The following FBLN2 variants were observed in gnomAD, a reference collection of about 807,000 sequenced individuals.
FBLN2 encodes the protein fibulin-2.
Under a neutral mutation model 123.7 loss-of-function variants are expected in FBLN2, and 81 were observed. The observed-to-expected ratio is 0.65, with a 90% CI of 0.55 to 0.79. The LOEUF (loss-of-function observed/expected upper bound fraction) is 0.79, where lower values mean the gene tolerates loss of function less well. Ranked by LOEUF, FBLN2 falls within the 30% of genes least tolerant of loss-of-function variation. FBLN2 has a pLI of 0.00. For synonymous variants in FBLN2, 699 were observed against 701.4 expected (o/e 1.00, Z 0.05); for missense variants, 1,603 against 1,681.3 (o/e 0.95, Z 0.81).
chr3:13,611,747 CAGA>C (rs1185389389), intron 4 of FBLN2, among the ~76,000 whole-genome samples: 2 of 152,204 alleles, frequency 1.3e-5, no homozygotes, highest in Non-Finnish European at 2.9e-5. Context: ...TGAACATGAG[CAGA>C]AGAAGAGCTC....
rs1267811550 is a variant in FBLN2, at chr3:13,571,355, G to C, written c.1000G>C (p.Ala334Pro). Residue 334 changes from alanine to proline, a missense_variant, in exon 2 of 18, where the codon GCA (alanine) becomes CCA (proline). Coordinates refer to ENST00000404922, the MANE Select transcript of FBLN2 (RefSeq NM_001004019.2). ...AEAGARAEAG[A>P]RPEENLILDA... ...AGCTGGGGCAAGGGCAGAAGCTGGGGCAAGGCCTGAAGAGAACCTCATCCT... is the reference window on the plus strand; with the variant it reads ...AGCTGGGGCAAGGGCAGAAGCTGGGCCAAGGCCTGAAGAGAACCTCATCCT... 1 of 1,611,784 alleles carries C rather than the reference G, an allele frequency of 6.2e-7. No individual in the cohort carries two copies. Among genetic ancestry groups the C allele is most frequent in the Non-Finnish European group, 8.5e-7 (1 of 1,179,190 alleles).
chr3:13,629,481 C>T (rs1367723722), intron 13 of FBLN2, among the ~76,000 whole-genome samples, 189 bp downstream of exon 13: 6 of 152,108 alleles, frequency 3.9e-5, no homozygotes, highest in Non-Finnish European at 4.4e-5. Context: ...TGGCCCCCGC[C>T]CCCACCTTCT....
intron 5 of FBLN2, among the ~76,000 whole-genome samples, chr3:13,614,576 G>GTCCATCCATCCATCCATCCATCCATCCA (rs747826390): frequency 2.1e-5 from 3 of 142,796 alleles, no homozygotes; most frequent in African/African-American, 8.3e-5. Context: ...CCCATCATCT[G>GTCCATCCATCCATCCATCCATCCATCCA]TCCATCCATC....
intron 2 of FBLN2, among the ~76,000 whole-genome samples, chr3:13,587,532 T>G (rs2124850625): frequency 6.6e-6 from 1 of 152,254 alleles, no homozygotes; most frequent in African/African-American, 2.4e-5. Flanking sequence ...AATAAAATTC[T>G]AAGGCCCCCC....
At chr3:13,607,434 G>A (rs1441967336) in intron 2 of FBLN2, among the ~76,000 whole-genome samples, 1 of 152,196 alleles carries the variant, frequency 6.6e-6, no homozygotes, top group East Asian at 1.9e-4. Context: ...GGCTTAGGAG[G>A]GGGAGGAGGA....
chr3:13,549,787 C>T (rs1001007466), intron 1 of FBLN2, among the ~76,000 whole-genome samples: 6 of 152,078 alleles, frequency 3.9e-5, no homozygotes, highest in Admixed American at 1.3e-4. Context: ...TCCTCCCTCT[C>T]CCAGCCCCAT....
intron 7 of FBLN2, among the ~76,000 whole-genome samples, chr3:13,619,520 G>A (rs1007330727): frequency 1.3e-5 from 2 of 152,150 alleles, no homozygotes; most frequent in African/African-American, 2.4e-5. Context: ...CCAGAACGTC[G>A]TCCCCGACGC....
At chr3:13,566,232 G>C (rs745376753) in intron 1 of FBLN2, among the ~76,000 whole-genome samples, 13 of 152,334 alleles carry the variant, frequency 8.5e-5, no homozygotes, top group Non-Finnish European at 1.8e-4. Flanking sequence ...AGAAGCCGGG[G>C]TTGTGGGAAA....
intron 1 of FBLN2, among the ~76,000 whole-genome samples, chr3:13,565,930 A>T (rs893915423): frequency 2.0e-5 from 3 of 152,258 alleles, no homozygotes; most frequent in Non-Finnish European, 4.4e-5. Flanking sequence ...GGCCAGTGGC[A>T]TAAGAATGAT....
chr3:13,626,688 C>A (rs1706052951), intron 10 of FBLN2, 109 bp downstream of exon 10: 3 of 1,153,562 alleles, frequency 2.6e-6, no homozygotes, highest in Non-Finnish European at 3.5e-6. Flanking sequence ...TAGGCCTGGC[C>A]ACGCCCCTCT....
intron 1 of FBLN2, among the ~76,000 whole-genome samples, chr3:13,554,316 G>A (rs1224840368): frequency 6.6e-6 from 1 of 152,200 alleles, no homozygotes; most frequent in East Asian, 1.9e-4. Context: ...TGTGATCGGG[G>A]TACCCCAGTG....
intron 1 of FBLN2, among the ~76,000 whole-genome samples, chr3:13,567,883 G>A (rs1356695369): frequency 1.3e-5 from 2 of 152,158 alleles, no homozygotes; most frequent in African/African-American, 2.4e-5. Context: ...GCTTGAGCTC[G>A]GGAGGTTGAG....
chr3:13,567,535 T>C (rs1157434985), intron 1 of FBLN2, among the ~76,000 whole-genome samples: 1 of 151,954 alleles, frequency 6.6e-6, no homozygotes, highest in Non-Finnish European at 1.5e-5. Context: ...TTTTTGTATT[T>C]CTGGTAGAGA....
chr3:13,560,712 T>A (rs1703580409), intron 1 of FBLN2, among the ~76,000 whole-genome samples: 1 of 152,234 alleles, frequency 6.6e-6, no homozygotes, highest in Admixed American at 6.5e-5. Flanking sequence ...TCGAATCATT[T>A]CCCTTCCTTC....
At chr3:13,609,689 C>CCCGG in intron 4 of FBLN2, 47 bp downstream of exon 4, 8 of 428,796 alleles carry the variant, frequency 1.9e-5, no homozygotes, top group East Asian at 7.9e-5. Context: ...TGGGGCGGGG[C>CCCGG]GGGAGGCTGG....
intron 2 of FBLN2, among the ~76,000 whole-genome samples, chr3:13,600,729 C>T (rs1809074): frequency 0.41 from 62,602 of 151,346 alleles, 13,014 homozygotes; most frequent in Non-Finnish European, 0.43. Flanking sequence ...GATTCTCCTG[C>T]CTCAGCCTCC....
At position 13,635,622 on chromosome 3, in the gene FBLN2, C is replaced by T. The variant is rs544742763; in HGVS notation, c.3215-823C>T. Among the ~76,000 whole-genome samples the T allele has an allele frequency of 1.4e-3, 220 of 152,040 alleles. 1 individual carries two copies. The highest frequency in any genetic ancestry group is 4.8e-3 in the African/African-American group (200 of 41,450). ...TGTTTGCTTCTGAATGTACAGGAAGCGTGAGCACGTCTGTTGCTCATGGGG... is the reference window on the plus strand; with the variant it reads ...TGTTTGCTTCTGAATGTACAGGAAGTGTGAGCACGTCTGTTGCTCATGGGG... On this transcript the variant is annotated intron_variant, in intron 16 of 17. Coordinates refer to ENST00000404922, the MANE Select transcript of FBLN2 (RefSeq NM_001004019.2).
intron 2 of FBLN2, among the ~76,000 whole-genome samples, chr3:13,600,014 C>T (rs768709485): frequency 1.5e-5 from 2 of 129,404 alleles, no homozygotes; most frequent in African/African-American, 3.6e-5. Flanking sequence ...TTAAAAAACA[C>T]GACAGAGAGA....
intron 1 of FBLN2, chr3:13,569,223 G>A (rs767361355): frequency 2.5e-4 from 48 of 193,196 alleles, no homozygotes; most frequent in Non-Finnish European, 4.1e-4. Flanking sequence ...CCTTGGGGGA[G>A]TTCAGGCCTA....
Sources: allele counts gnomAD v4.1 joint callset (sites outside exome capture counted in the v4.1 genomes callset), GRCh38; gene constraint gnomAD v4.1.1; transcripts MANE v1.5; gene names NCBI Gene and HGNC (gene_info 2026-07-23, HGNC 2026-07-21).